The following RBFOX1 variants were observed in gnomAD, a reference collection of about 807,000 sequenced individuals.
The protein encoded by RBFOX1 is RNA binding fox-1 homolog 1.
Under a neutral mutation model 57.7 loss-of-function variants are expected in RBFOX1, and 8 were observed. That is an observed-to-expected ratio of 0.14 (90% CI 0.08 to 0.25). The LOEUF is 0.25. Among genes scored for constraint, RBFOX1 ranks in the 10% least tolerant of loss-of-function variants. The pLI, the probability that RBFOX1 is intolerant of heterozygous loss-of-function variation, is 1.00. For missense variants in RBFOX1, 611 were observed against 548.5 expected (o/e 1.11, Z -1.14); for synonymous variants, 326 against 222.4 (o/e 1.47, Z -4.15).
chr16:5,368,238 T>G (rs1333714565), intron 1 of RBFOX1, among the ~76,000 whole-genome samples: 1 of 152,238 alleles, frequency 6.6e-6, no homozygotes, highest in Non-Finnish European at 1.5e-5. Context: ...GCGTGAGGCT[T>G]GAACAGATTT....
rs2067282100 is a variant in RBFOX1, at chr16:5,420,410, ACT to A, written c.220-46802_220-46801del. Reference sequence around the variant, plus strand: ...CCCATATACACACACACACACACACACTCTCAGGTTCACACAGTCACACACAC... The same window carrying A: ...CCCATATACACACACACACACACACACTCAGGTTCACACAGTCACACACAC... On this transcript the variant is annotated intron_variant, in intron 1 of 2. Coordinates refer to the RBFOX1 transcript ENST00000585867. Among the ~76,000 whole-genome samples, 3 of 143,898 alleles carry A rather than the reference ACT, an allele frequency of 2.1e-5. No homozygotes were observed. The South Asian group carries it at 6.6e-4, about 32-fold the overall frequency. The allele number at this position is 143,898 out of a possible 152,430, so 94.4% of individuals were successfully genotyped here. A position where few individuals can be genotyped will look rare whatever the true frequency, so the allele number is the denominator to read the frequency against.
At chr16:5,622,175 A>G (rs1184306264) in intron 3 of RBFOX1, among the ~76,000 whole-genome samples, 2 of 152,222 alleles carry the variant, frequency 1.3e-5, no homozygotes, top group Non-Finnish European at 2.9e-5. Flanking sequence ...TCCACAATCT[A>G]CAGTGTACCT....
chr16:7,139,029 C>G (rs540827221), intron 4 of RBFOX1, among the ~76,000 whole-genome samples: 67 of 152,220 alleles, frequency 4.4e-4, no homozygotes, highest in South Asian at 4.4e-3. Flanking sequence ...GTCTCAAACT[C>G]CTGGCCCCAA....
At chr16:7,567,083 A>G (rs1253019397) in intron 5 of RBFOX1, among the ~76,000 whole-genome samples, 3 of 142,984 alleles carry the variant, frequency 2.1e-5, no homozygotes, top group South Asian at 2.3e-4. Flanking sequence ...AAAGCTGGAT[A>G]TATATATATC....
intron 2 of RBFOX1, among the ~76,000 whole-genome samples, chr16:5,591,612 T>C (rs373211378): frequency 2.0e-5 from 3 of 152,190 alleles, no homozygotes; most frequent in Non-Finnish European, 2.9e-5. Context: ...TCAGTGGATA[T>C]ACTAGAAATG....
intron 3 of RBFOX1, among the ~76,000 whole-genome samples, chr16:6,812,600 C>T: frequency 6.6e-6 from 1 of 152,122 alleles, no homozygotes; most frequent in East Asian, 1.9e-4. Flanking sequence ...TGGTCTCAAA[C>T]TCCTGACCTC....
chr16:7,518,019 G>C, intron 4 of RBFOX1, 128 bp from the exon 5 acceptor site: 1 of 1,170,698 alleles, frequency 8.5e-7, no homozygotes, highest in South Asian at 1.6e-5. Context: ...TCCATCTCAG[G>C]CTGGTGGCAC....
intron 2 of RBFOX1, among the ~76,000 whole-genome samples, chr16:5,524,766 C>G (rs1198965148): frequency 6.6e-6 from 1 of 152,026 alleles, no homozygotes; most frequent in Non-Finnish European, 1.5e-5. Flanking sequence ...GTCTTGAACT[C>G]CTGACCTCAA....
At chr16:6,629,959 G>GTTTTT (rs544517566) in intron 2 of RBFOX1, among the ~76,000 whole-genome samples, 1 of 134,450 alleles carries the variant, frequency 7.4e-6, no homozygotes, top group African/African-American at 2.8e-5. Context: ...ATTTCGGTAG[G>GTTTTT]TTTTTTTTTT....
intron 2 of RBFOX1, among the ~76,000 whole-genome samples, chr16:6,361,222 G>A (rs2088441458): frequency 1.3e-5 from 2 of 152,144 alleles, no homozygotes; most frequent in Non-Finnish European, 2.9e-5. Flanking sequence ...GGAGAAGAAA[G>A]GCACAGAGGA....
At chr16:6,391,207 C>G (rs9941157) in intron 2 of RBFOX1, among the ~76,000 whole-genome samples, 80,956 of 151,966 alleles carry the variant, frequency 0.53, 22,561 homozygotes, top group African/African-American at 0.68. Context: ...AAAGTTTGAA[C>G]CAATTAAGTA....
chr16:5,593,501 A>T (rs568088381), intron 2 of RBFOX1, among the ~76,000 whole-genome samples: 253 of 152,314 alleles, frequency 1.7e-3, no homozygotes, highest in Non-Finnish European at 2.5e-3. Context: ...TTAGAAAAAA[A>T]AGATCTTTCT....
intron 7 of RBFOX1, among the ~76,000 whole-genome samples, chr16:7,590,660 G>C (rs142848858): frequency 5.9e-5 from 9 of 152,000 alleles, no homozygotes; most frequent in Non-Finnish European, 1.2e-4. Flanking sequence ...AGGAGTTCGA[G>C]ACCAGCCTGA....
intron 5 of RBFOX1, among the ~76,000 whole-genome samples, chr16:7,567,710 CTA>C (rs148307703): frequency 0.76 from 102,188 of 133,606 alleles, 40,855 homozygotes; most frequent in Non-Finnish European, 0.88. Flanking sequence ...TATATAATCC[CTA>C]TATATATATA....
At chr16:6,212,637 G>A (rs933350035) in intron 1 of RBFOX1, among the ~76,000 whole-genome samples, 9 of 152,164 alleles carry the variant, frequency 5.9e-5, no homozygotes, top group African/African-American at 2.2e-4. Context: ...AACCCGGGAG[G>A]TGGAGCTTGC....
rs191539895 is a variant in RBFOX1, at chr16:6,137,617, T to A, written c.-127+117625T>A. 7.2e-3 allele frequency among the ~76,000 whole-genome samples: 1,051 copies of A among 144,976 alleles called. 9 individuals carry two copies. Among genetic ancestry groups the A allele is most frequent in the Non-Finnish European group, 0.012 (795 of 66,338 alleles). On this transcript the variant is annotated intron_variant, in intron 1 of 15. Transcript: ENST00000550418. ...CACTGCGCCTGGTCATTTTTTTTTT[T>A]TTTTTTTTTTTTTTTTGACAGGGTC...
At position 7,118,825 on chromosome 16, in the gene RBFOX1, G is replaced by C. The variant is rs368421923; in HGVS notation, c.27+66727G>C. Among the ~76,000 whole-genome samples, 6 of 152,086 alleles carry C rather than the reference G, an allele frequency of 3.9e-5. No homozygotes were observed. The East Asian group carries it at 9.6e-4, about 24-fold the overall frequency. ...CATTTAGCCTTGTGAAGAATTACCA[G>C]GGCACCGAAAGAGAGAATGGAAGCA... On this transcript the variant is annotated intron_variant, in intron 4 of 15. Transcript: ENST00000550418.
chr16:6,758,732 T>C (rs571585690), intron 3 of RBFOX1, among the ~76,000 whole-genome samples: 1 of 152,340 alleles, frequency 6.6e-6, no homozygotes, highest in Admixed American at 6.5e-5. Flanking sequence ...ATGCTTATAT[T>C]GATTGCCAAG....
At chr16:5,778,852 T>C (rs1373999000) in intron 3 of RBFOX1, among the ~76,000 whole-genome samples, 1 of 152,142 alleles carries the variant, frequency 6.6e-6, no homozygotes, top group Non-Finnish European at 1.5e-5. Flanking sequence ...ATCTCAAAAA[T>C]GGGGCTGTTA....
Sources: allele counts gnomAD v4.1 joint callset (sites outside exome capture counted in the v4.1 genomes callset), GRCh38; gene constraint gnomAD v4.1.1; transcripts MANE v1.5; gene names NCBI Gene and HGNC (gene_info 2026-07-23, HGNC 2026-07-21).